Variants in GALNTL5 observed in about 807,000 individuals in gnomAD.
GALNTL5 encodes inactive polypeptide N-acetylgalactosaminyltransferase-like protein 5.
A neutral mutation model predicts 51.0 loss-of-function variants in GALNTL5; 44 were observed. The observed-to-expected ratio is 0.86, with a 90% CI of 0.68 to 1.11. The LOEUF is 1.11. Ranked by LOEUF, GALNTL5 falls within the 50% of genes least tolerant of loss-of-function variation. GALNTL5 has a pLI of 0.00. For missense variants in GALNTL5, 528 were observed against 531.8 expected (o/e 0.99, Z 0.07); for synonymous variants, 192 against 182.8 (o/e 1.05, Z -0.41).
chr7:152,006,032 C>T (rs2081637853), intron 6 of GALNTL5, among the ~76,000 whole-genome samples: 1 of 151,746 alleles, frequency 6.6e-6, no homozygotes, highest in African/African-American at 2.4e-5. Context: ...GCCCTGGGTG[C>T]TTCAACATTG....
chr7:152,018,350 T>C (rs1265718003), intron 8 of GALNTL5, among the ~76,000 whole-genome samples: 2 of 152,246 alleles, frequency 1.3e-5, no homozygotes, highest in Non-Finnish European at 2.9e-5. Context: ...ATATTGGTTA[T>C]AGCTGAACTG....
intron 7 of GALNTL5, among the ~76,000 whole-genome samples, chr7:152,008,866 T>C (rs1414983447): frequency 6.6e-6 from 1 of 152,228 alleles, no homozygotes; most frequent in Non-Finnish European, 1.5e-5. Flanking sequence ...TTTATTATAT[T>C]GCACTCTAAG....
chr7:152,004,993 T>C (rs2081626085), intron 6 of GALNTL5, among the ~76,000 whole-genome samples: 1 of 152,256 alleles, frequency 6.6e-6, no homozygotes, highest in South Asian at 2.1e-4. Flanking sequence ...CTGGATTCAA[T>C]GGTAGTTCTA....
intron 1 of GALNTL5, chr7:151,957,941 G>A (rs926169118): frequency 6.6e-6 from 1 of 152,044 alleles, no homozygotes; most frequent in African/African-American, 2.4e-5. Flanking sequence ...TGGGAGGTGA[G>A]GTGCTTGTCA....
At chr7:151,996,542 C>T (rs2081502959) in intron 5 of GALNTL5, among the ~76,000 whole-genome samples, 1 of 152,066 alleles carries the variant, frequency 6.6e-6, no homozygotes, top group Admixed American at 6.5e-5. Context: ...GAGTTTGAGA[C>T]CAGCCTGGGA....
chr7:152,012,810 T>C (rs960893362), intron 7 of GALNTL5, among the ~76,000 whole-genome samples: 4 of 151,886 alleles, frequency 2.6e-5, no homozygotes, highest in African/African-American at 9.7e-5. Flanking sequence ...CCACCAAAAA[T>C]ACAAAAATGA....
chr7:151,981,024 C>T (rs1485927886), intron 3 of GALNTL5, among the ~76,000 whole-genome samples: 6 of 152,172 alleles, frequency 3.9e-5, no homozygotes, highest in Middle Eastern at 3.4e-3. Context: ...GGATTACAGG[C>T]TTGAGCCACC....
chr7:152,014,664 A>G lies in GALNTL5; in HGVS notation c.1047A>G (p.Gln349=), dbSNP rs2081782749. Residue 349 remains glutamine, a synonymous_variant, in exon 8 of 9, where the codon CAA becomes CAG. Coordinates refer to ENST00000392800, the MANE Select transcript of GALNTL5 (RefSeq NM_145292.4). ...LSLRIWMCGG[Q]LFIIPCSRVG... ...CCTAGATCTGGATGTGTGGAGGCCA[A>G]CTCTTTATAATCCCCTGCTCTCGAG... is the stretch of plus-strand genomic sequence containing the variant. 3 of 1,608,884 alleles carry G rather than the reference A, an allele frequency of 1.9e-6. No individual in the cohort carries two copies. The highest frequency in any genetic ancestry group is 1.7e-6 in the Non-Finnish European group (2 of 1,178,450).
At chr7:152,015,569 A>C (rs2081800779) in intron 8 of GALNTL5, among the ~76,000 whole-genome samples, 2 of 152,052 alleles carry the variant, frequency 1.3e-5, no homozygotes, top group African/African-American at 4.8e-5. Flanking sequence ...CATGTTGGCC[A>C]GGCTGGTCTC....
At chr7:151,994,202 G>A (rs1354013592) in intron 5 of GALNTL5, among the ~76,000 whole-genome samples, 1 of 152,204 alleles carries the variant, frequency 6.6e-6, no homozygotes, top group Non-Finnish European at 1.5e-5. Flanking sequence ...TGAGTCACAA[G>A]TATGGGATCC....
rs946953523 is a variant in GALNTL5 at position 152,011,714 on chromosome 7, A to C, written c.1027-2930A>C. 1.3e-5 allele frequency among the ~76,000 whole-genome samples: 2 copies of C among 152,338 alleles called. 1 individual carries two copies. The highest frequency in any genetic ancestry group is 4.1e-4 in the South Asian group (2 of 4,828). ...GTCAAGCAAATTCTCAAACACCTGC[A>C]CAAGGGAGAATTAGGCAAGTCACTC... On this transcript the variant is annotated intron_variant, in intron 7 of 8. Transcript: ENST00000392800.
At chr7:151,989,744 G>T (rs2081403577) in intron 5 of GALNTL5, among the ~76,000 whole-genome samples, 1 of 152,096 alleles carries the variant, frequency 6.6e-6, no homozygotes, top group Non-Finnish European at 1.5e-5. Context: ...GATGAATATG[G>T]CCCGTCTTTT....
chr7:151,983,151 T>A lies in GALNTL5; in HGVS notation c.534T>A (p.Val178=), dbSNP rs1290511122. The A allele has an allele frequency of 1.2e-5, 20 of 1,611,606 alleles. No individual in the cohort carries two copies. The highest frequency in any genetic ancestry group is 1.6e-5 in the Non-Finnish European group (19 of 1,177,848). ...TTTTGGTAGATGACATGAGCAAAGTTGGTAAGATAGAACACTCATTATCTC... is the reference window on the plus strand; with the variant it reads ...TTTTGGTAGATGACATGAGCAAAGTAGGTAAGATAGAACACTCATTATCTC... ...EIILVDDMSK[V]DDLKEKLDYH... is the part of the protein sequence containing the mutation. The change falls in exon 4 of 9, where the codon GTT becomes GTA. Residue 178 remains valine, a splice_region_variant and synonymous_variant. Transcript: ENST00000392800.
intron 2 of GALNTL5, among the ~76,000 whole-genome samples, chr7:151,969,169 C>T (rs978437982): frequency 1.3e-5 from 2 of 152,070 alleles, no homozygotes; most frequent in Admixed American, 6.5e-5. Context: ...CACAATGTTA[C>T]ATTTTGGTGC....
rs140270944 is a variant in GALNTL5, at chr7:151,985,468, A to G, written c.536-1691A>G. On this transcript the variant is annotated intron_variant, in intron 4 of 8. Transcript: ENST00000392800. ...TCCTTTAATTCACGGTGACTTCATC[A>G]TGGGTTTAAGGACAATTTCTTCAAC... Among the ~76,000 whole-genome samples the G allele has an allele frequency of 5.0e-3, 758 of 152,220 alleles. 9 individuals carry two copies. Among genetic ancestry groups the G allele is most frequent in the African/African-American group, 0.017 (706 of 41,538 alleles).
intron 2 of GALNTL5, among the ~76,000 whole-genome samples, chr7:151,969,605 G>T (rs999923452): frequency 6.6e-6 from 1 of 151,862 alleles, no homozygotes. Context: ...CATCTTCCCG[G>T]ATGTCGCCTA....
intron 3 of GALNTL5, 35 bp from the exon 4 acceptor site, chr7:151,982,951 A>G (rs1435694698): frequency 1.2e-6 from 2 of 1,613,810 alleles, no homozygotes; most frequent in Non-Finnish European, 1.7e-6. Context: ...AGGCATTTAG[A>G]TGGATGGTTT....
chr7:151,958,322 C>T (rs2151934712), intron 1 of GALNTL5, among the ~76,000 whole-genome samples: 1 of 152,300 alleles, frequency 6.6e-6, no homozygotes, highest in South Asian at 2.1e-4. Flanking sequence ...GAGTGTGCCA[C>T]AACCATCTTC....
At chr7:151,987,045 G>A in intron 4 of GALNTL5, 114 bp from the exon 5 acceptor site, 1 of 957,282 alleles carries the variant, frequency 1.0e-6, no homozygotes, top group Non-Finnish European at 1.5e-6. Flanking sequence ...CTCTTTTAAA[G>A]TTAGAACTTC....
Sources: allele counts gnomAD v4.1 joint callset (sites outside exome capture counted in the v4.1 genomes callset), GRCh38; gene constraint gnomAD v4.1.1; transcripts MANE v1.5; gene names NCBI Gene and HGNC (gene_info 2026-07-23, HGNC 2026-07-21).